The following GPC5 variants were observed in gnomAD, a reference collection of about 807,000 sequenced individuals.
GPC5 encodes glypican-5.
In GPC5, 47 loss-of-function variants were observed where a neutral mutation model predicts 53.9. That is an observed-to-expected ratio of 0.87 (90% confidence interval 0.69 to 1.11). The LOEUF (loss-of-function observed/expected upper bound fraction) is 1.11, where lower values mean the gene tolerates loss of function less well. Ranked by LOEUF, GPC5 falls within the 50% of genes most tolerant of loss-of-function variation. The pLI, the probability that GPC5 is intolerant of heterozygous loss-of-function variation, is 0.00. For missense variants in GPC5, 748 were observed against 713.1 expected (o/e 1.05, Z -0.56); for synonymous variants, 286 against 263.3 (o/e 1.09, Z -0.84).
intron 7 of GPC5, among the ~76,000 whole-genome samples, chr13:92,611,089 A>G (rs1022251771): frequency 1.3e-5 from 2 of 151,802 alleles, no homozygotes; most frequent in Non-Finnish European, 2.9e-5. Context: ...TATAAGAGAT[A>G]TGAGGATATC....
intron 5 of GPC5, among the ~76,000 whole-genome samples, chr13:91,786,245 T>G (rs1361530134): frequency 2.6e-5 from 4 of 152,194 alleles, no homozygotes; most frequent in Non-Finnish European, 5.9e-5. Context: ...TCCGCCTGCG[T>G]CAGCCTCCCA....
intron 7 of GPC5, among the ~76,000 whole-genome samples, chr13:92,800,138 C>T (rs999109101): frequency 1.3e-5 from 2 of 151,836 alleles, no homozygotes; most frequent in Admixed American, 1.3e-4. Flanking sequence ...AGCTCCCAAA[C>T]TTCTGACACA....
At chr13:92,605,588 T>TA (rs1043290077) in intron 7 of GPC5, among the ~76,000 whole-genome samples, 5 of 149,510 alleles carry the variant, frequency 3.3e-5, no homozygotes, top group African/African-American at 1.3e-4. Flanking sequence ...TTTTTTTTTT[T>TA]TTTTATTTTT....
At chr13:91,956,172 C>A (rs567830032) in intron 6 of GPC5, among the ~76,000 whole-genome samples, 7 of 152,010 alleles carry the variant, frequency 4.6e-5, no homozygotes, top group South Asian at 2.1e-4. Context: ...TTCTCCCCCC[C>A]ACCCCAATAC....
chr13:92,836,618 T>G (rs1878228172), intron 7 of GPC5, among the ~76,000 whole-genome samples: 1 of 152,124 alleles, frequency 6.6e-6, no homozygotes, highest in Non-Finnish European at 1.5e-5. Context: ...CTTTCTCAAC[T>G]ATATTTATGC....
intron 7 of GPC5, among the ~76,000 whole-genome samples, chr13:92,764,852 G>C (rs942139996): frequency 2.6e-5 from 4 of 152,090 alleles, no homozygotes; most frequent in African/African-American, 7.2e-5. Context: ...TAATTTTATG[G>C]GGAAAGGGTG....
rs142453733 is a variant in GPC5, at chr13:92,825,036, T to A, written c.1562-41246T>A. 7.8e-3 allele frequency among the ~76,000 whole-genome samples: 1,185 copies of A among 152,250 alleles called. 12 individuals are homozygous for A. The highest frequency in any genetic ancestry group is 0.014 in the South Asian group (69 of 4,834). ...AACACGTCAGACAGACTGTATAATT[T>A]AGGCATATAATTCTACTTGGGACAC... On this transcript the variant is annotated intron_variant, in intron 7 of 7. Transcript: ENST00000377067.
Position 92,352,556 on chromosome 13 carries a change from A to C in GPC5, c.1561+207567A>C, listed in dbSNP as rs189152912. On this transcript the variant is annotated intron_variant, in intron 7 of 7. Transcript: ENST00000377067. ...TGGAAAACTGCCAAAAGACATAAGT[A>C]GATATTTTGCAGAAATAAAAACACA... Among the ~76,000 whole-genome samples the C allele has an allele frequency of 4.4e-3, 677 of 152,340 alleles. 2 individuals carry two copies. Among genetic ancestry groups the C allele is most frequent in the Non-Finnish European group, 7.5e-3 (509 of 68,020 alleles).
chr13:92,387,340 A>G (rs765713675), intron 7 of GPC5, among the ~76,000 whole-genome samples: 2 of 152,148 alleles, frequency 1.3e-5, no homozygotes, highest in Non-Finnish European at 2.9e-5. Flanking sequence ...AGGCTAAACT[A>G]TCATGTTGCG....
At chr13:91,615,082 A>G (rs2033658588) in intron 2 of GPC5, among the ~76,000 whole-genome samples, 1 of 151,078 alleles carries the variant, frequency 6.6e-6, no homozygotes, top group African/African-American at 2.4e-5. Flanking sequence ...ATGATTTACA[A>G]AGAGGCATTA....
intron 7 of GPC5, among the ~76,000 whole-genome samples, chr13:92,594,996 T>G (rs974293822): frequency 6.6e-6 from 1 of 152,184 alleles, no homozygotes; most frequent in Admixed American, 6.5e-5. Flanking sequence ...AAGACCTGGT[T>G]CAACAACACA....
At chr13:92,656,407 G>T (rs1449768437) in intron 7 of GPC5, among the ~76,000 whole-genome samples, 7 of 152,156 alleles carry the variant, frequency 4.6e-5, no homozygotes, top group African/African-American at 1.7e-4. Context: ...AGAAAGGGAG[G>T]AGGGAAAGGC....
intron 6 of GPC5, among the ~76,000 whole-genome samples, chr13:91,962,175 T>C: frequency 6.6e-6 from 1 of 151,918 alleles, no homozygotes; most frequent in East Asian, 1.9e-4. Flanking sequence ...TTCTATGGAG[T>C]AGTGGGGGTT....
intron 7 of GPC5, among the ~76,000 whole-genome samples, chr13:92,796,106 C>T (rs1876668217): frequency 6.6e-6 from 1 of 152,084 alleles, no homozygotes; most frequent in Non-Finnish European, 1.5e-5. Context: ...AGACTTGGAA[C>T]CAACCCAAAT....
At chr13:91,685,286 C>T (rs2035598607) in intron 2 of GPC5, among the ~76,000 whole-genome samples, 1 of 152,174 alleles carries the variant, frequency 6.6e-6, no homozygotes, top group Non-Finnish European at 1.5e-5. Flanking sequence ...GTCTGGGTAA[C>T]AGAGTGAGAC....
intron 6 of GPC5, among the ~76,000 whole-genome samples, chr13:92,112,615 T>A (rs370301167): frequency 7.9e-4 from 120 of 152,188 alleles, no homozygotes; most frequent in African/African-American, 2.8e-3. Flanking sequence ...GATTATGATT[T>A]AAAAAAGCAG....
intron 5 of GPC5, among the ~76,000 whole-genome samples, chr13:91,812,010 A>C (rs1210045988): frequency 6.6e-6 from 1 of 152,208 alleles, no homozygotes; most frequent in Non-Finnish European, 1.5e-5. Context: ...AGTCTAGTGA[A>C]ACAAAATATA....
chr13:92,376,969 C>T (rs566533206), intron 7 of GPC5, among the ~76,000 whole-genome samples: 18 of 151,874 alleles, frequency 1.2e-4, no homozygotes, highest in Non-Finnish European at 1.9e-4. Context: ...GAGCCGACAT[C>T]GTGCCACTGC....
At chr13:92,152,759 T>TC (rs1206293083) in intron 7 of GPC5, among the ~76,000 whole-genome samples, 1 of 142,682 alleles carries the variant, frequency 7.0e-6, no homozygotes. Context: ...AAAAAAAAAT[T>TC]GGGCAAAGTA....
Sources: gnomAD v4.1 joint callset for allele counts (sites outside exome capture counted in the v4.1 genomes callset) on GRCh38, gnomAD v4.1.1 for gene constraint, MANE v1.5 for transcripts, NCBI Gene and HGNC (gene_info 2026-07-23, HGNC 2026-07-21) for gene names.